The following COL15A1 variants were observed in gnomAD, a reference collection of about 807,000 sequenced individuals.
COL15A1 encodes collagen type XV alpha 1 chain.
COL15A1 carries 111 observed loss-of-function variants against 165.9 expected under a neutral mutation model. The ratio of observed to expected loss-of-function variants is 0.67; its 90% confidence interval spans 0.57 to 0.78. The LOEUF (loss-of-function observed/expected upper bound fraction) is 0.78. COL15A1 is among the 30% of genes least tolerant of loss of function. The pLI is 0.00. For missense variants in COL15A1, 1,745 were observed against 1,789.7 expected (o/e 0.98, Z 0.45); for synonymous variants, 659 against 674.8 (o/e 0.98, Z 0.36).
chr9:99,015,205 A>T (rs1838908687), intron 9 of COL15A1, among the ~76,000 whole-genome samples: 1 of 148,326 alleles, frequency 6.7e-6, no homozygotes, highest in East Asian at 2.1e-4. Context: ...ATGTGCTAGA[A>T]GGGACTCTGG....
chr9:98,949,651 A>G (rs958872047), intron 2 of COL15A1, among the ~76,000 whole-genome samples: 1 of 152,190 alleles, frequency 6.6e-6, no homozygotes, highest in South Asian at 2.1e-4. Context: ...ATGTTTATTG[A>G]CCATTTAGAT....
Position 99,062,292 on chromosome 9 carries a change from G to T in COL15A1, c.3579G>T (p.Ala1193=). Residue 1193 remains alanine, a synonymous_variant, in exon 38 of 42, where the codon GCG becomes GCT. Transcript: ENST00000375001. ...PIPADSPPPP[A]LSSNPHQLLP... ...CTGCCGACAGCCCTCCACCCCCTGC[G>T]CTTTCCAGCAACGTGAGTAGTTACC... 3 of 1,612,680 alleles carry T rather than the reference G, an allele frequency of 1.9e-6. 1 individual carries two copies. Among genetic ancestry groups the T allele is most frequent in the Middle Eastern group, 3.3e-4 (2 of 6,056 alleles).
chr9:99,047,998 C>T lies in COL15A1; in HGVS notation c.2791C>T (p.Gln931Ter). 2 of 1,546,086 alleles carry T rather than the reference C, an allele frequency of 1.3e-6. No individual in the cohort carries two copies. The highest frequency in any genetic ancestry group is 1.9e-5 in the Admixed American group (1 of 53,418). Residue 931 changes from glutamine to a stop codon, truncating the protein, a stop_gained and splice_region_variant, in exon 28 of 42, where the codon CAG becomes TAG. Coordinates refer to ENST00000375001, the MANE Select transcript of COL15A1 (RefSeq NM_001855.5). LOFTEE classifies it high-confidence loss of function. ...GTKGDPGVIMQGPPGLPGPPG... is the reference protein window; with the variant it reads ...GTKGDPGVIM Reference sequence around the variant, plus strand: ...CAAAGGAGATCCAGGGGTCATTATGCAGGTGAGTCACCCTGGGGATGGAGC... The same window carrying T: ...CAAAGGAGATCCAGGGGTCATTATGTAGGTGAGTCACCCTGGGGATGGAGC...
intron 11 of COL15A1, among the ~76,000 whole-genome samples, chr9:99,017,583 C>CT (rs1164326918): frequency 6.6e-6 from 1 of 152,154 alleles, no homozygotes; most frequent in Non-Finnish European, 1.5e-5. Flanking sequence ...ATGCAGGTGT[C>CT]TGAGTCCAGT....
At chr9:99,043,467 C>A (rs1839445900) in intron 24 of COL15A1, among the ~76,000 whole-genome samples, 1 of 152,168 alleles carries the variant, frequency 6.6e-6, no homozygotes, top group Non-Finnish European at 1.5e-5. Context: ...CCCTAACCTC[C>A]TGCCACCTTG....
chr9:98,944,071 A>C lies in COL15A1; in HGVS notation c.10A>C (p.Arg4=), dbSNP rs1319444557. The C allele has an allele frequency of 6.2e-7, 1 of 1,614,136 alleles. No homozygotes were observed. Among genetic ancestry groups the C allele is most frequent in the Non-Finnish European group, 8.5e-7 (1 of 1,179,952 alleles). Residue 4 remains arginine, a splice_region_variant and synonymous_variant, in exon 1 of 42, where the codon AGG becomes CGG. Coordinates refer to ENST00000375001, the MANE Select transcript of COL15A1 (RefSeq NM_001855.5). Reference sequence around the variant, plus strand: ...TCCGCAGACCCGCGAGATGGCACCAAGGTAAGACCCGCTTCTCTGCTTCCT... The same window carrying C: ...TCCGCAGACCCGCGAGATGGCACCACGGTAAGACCCGCTTCTCTGCTTCCT... The part of the protein sequence containing the change: MAP[R]RNNGQCWCLL...
chr9:98,992,397 G>C (rs1371419607), intron 5 of COL15A1, among the ~76,000 whole-genome samples: 1 of 152,236 alleles, frequency 6.6e-6, no homozygotes, highest in African/African-American at 2.4e-5. Context: ...TGGCCGCTTA[G>C]AGTGCGGGGC....
intron 28 of COL15A1, 106 bp from the exon 29 acceptor site, chr9:99,049,584 G>A (rs1839549359): frequency 2.8e-6 from 4 of 1,419,592 alleles, no homozygotes; most frequent in Non-Finnish European, 3.9e-6. Flanking sequence ...GAAGTTGGTT[G>A]GCTTCAGCAG....
intron 6 of COL15A1, among the ~76,000 whole-genome samples, chr9:98,999,085 T>A (rs1838601461): frequency 6.6e-6 from 1 of 152,158 alleles, no homozygotes; most frequent in African/African-American, 2.4e-5. Flanking sequence ...GCTCGACCCG[T>A]GCTGGCCACT....
At chr9:98,947,441 G>A (rs1038557760) in intron 2 of COL15A1, among the ~76,000 whole-genome samples, 5 of 152,102 alleles carry the variant, frequency 3.3e-5, no homozygotes, top group Non-Finnish European at 7.4e-5. Flanking sequence ...GATTGTGGTG[G>A]TAGTTGTGCA....
chr9:98,989,100 T>C lies in COL15A1; in HGVS notation c.724-78T>C. The C allele has an allele frequency of 2.7e-6, 3 of 1,105,122 alleles. No homozygotes were observed. The South Asian group carries it at 3.8e-5, about 14-fold the overall frequency. The allele number at this position is 1,105,122 out of a possible 1,614,324, so 68.5% of individuals were successfully genotyped here. A position where few individuals can be genotyped will look rare whatever the true frequency, so the allele number is the denominator to read the frequency against. ...GTAGGAGAGTCGGTTTGTCAGTTTCTGTAACTTTCCCAGTCATCCAACTCT... is the reference window on the plus strand; with the variant it reads ...GTAGGAGAGTCGGTTTGTCAGTTTCCGTAACTTTCCCAGTCATCCAACTCT... On this transcript the variant is annotated intron_variant, in intron 4 of 41. Coordinates refer to ENST00000375001, the MANE Select transcript of COL15A1 (RefSeq NM_001855.5).
rs768619784 is a variant in COL15A1, at chr9:99,037,142, T to C, written c.2409+746T>C. ...TCCACACAAATGGAGGAAAGCATCC[T>C]CTTCCCAACTCTCCTCAACAAGGAA... On this transcript the variant is annotated intron_variant, in intron 21 of 41. Transcript: ENST00000375001. Among the ~76,000 whole-genome samples the C allele has an allele frequency of 2.0e-4, 30 of 152,364 alleles. No homozygotes were observed. In the Middle Eastern group the frequency reaches 0.01, roughly 52 times the overall value.
At chr9:98,950,885 G>C (rs141021214) in intron 2 of COL15A1, among the ~76,000 whole-genome samples, 1 of 152,310 alleles carries the variant, frequency 6.6e-6, no homozygotes, top group African/African-American at 2.4e-5. Flanking sequence ...TTACAGGCGT[G>C]AGCCACTGTG....
At chr9:98,982,446 C>G (rs1426053033) in intron 2 of COL15A1, among the ~76,000 whole-genome samples, 1 of 152,098 alleles carries the variant, frequency 6.6e-6, no homozygotes, top group African/African-American at 2.4e-5. Flanking sequence ...TTCAAGTGCT[C>G]AATAGCCATA....
intron 6 of COL15A1, among the ~76,000 whole-genome samples, chr9:98,999,509 T>TTTC (rs1010336482): frequency 6.5e-4 from 99 of 151,486 alleles, no homozygotes; most frequent in Admixed American, 2.4e-3. Flanking sequence ...ACAACTTCTT[T>TTTC]TTCTTCTTCT....
At chr9:98,982,200 C>A (rs768373500) in intron 2 of COL15A1, among the ~76,000 whole-genome samples, 22 of 152,064 alleles carry the variant, frequency 1.4e-4, no homozygotes, top group Non-Finnish European at 2.8e-4. Flanking sequence ...TTCATTGCAG[C>A]CTCAAACTCT....
intron 35 of COL15A1, among the ~76,000 whole-genome samples, chr9:99,059,521 A>G (rs1564092806): frequency 1.3e-5 from 2 of 152,232 alleles, no homozygotes; most frequent in South Asian, 2.1e-4. Context: ...TCAGTGTCAC[A>G]TGCTTGTCTC....
chr9:98,990,114 A>G (rs1022230461), intron 5 of COL15A1, among the ~76,000 whole-genome samples: 1 of 152,196 alleles, frequency 6.6e-6, no homozygotes, highest in African/African-American at 2.4e-5. Context: ...CATGCAGCAG[A>G]GCTGTGGATG....
At chr9:99,044,058 G>A (rs574453232) in intron 24 of COL15A1, among the ~76,000 whole-genome samples, 26 of 152,208 alleles carry the variant, frequency 1.7e-4, no homozygotes, top group African/African-American at 5.3e-4. Flanking sequence ...TTTTTATACC[G>A]TCATCTCTTT....
Sources: allele counts gnomAD v4.1 joint callset (sites outside exome capture counted in the v4.1 genomes callset), GRCh38; gene constraint gnomAD v4.1.1; transcripts MANE v1.5; gene names NCBI Gene and HGNC (gene_info 2026-07-23, HGNC 2026-07-21).